The following ARHGAP6 variants were observed in gnomAD, a reference collection of about 807,000 sequenced individuals.
The protein encoded by ARHGAP6 is Rho GTPase activating protein 6.
In ARHGAP6, 16 loss-of-function variants were observed where a neutral mutation model predicts 55.7. The observed-to-expected ratio is 0.29, with a 90% CI of 0.19 to 0.44. ARHGAP6 has a LOEUF of 0.44. Ranked by LOEUF, ARHGAP6 falls within the 20% of genes least tolerant of loss-of-function variation. The probability of loss-of-function intolerance (pLI) is 1.00; values close to 1 mark genes in which losing one functional copy is unlikely to be tolerated. For missense variants in ARHGAP6, 698 were observed against 808.9 expected, an observed-to-expected ratio of 0.86 and a Z score of 1.66; for synonymous variants, 382 against 360.9, an observed-to-expected ratio of 1.06 and a Z score of -0.66.
At chrX:11,362,422 G>C (rs989311242) in intron 1 of ARHGAP6, among the ~76,000 whole-genome samples, 1 of 109,791 alleles carries the variant, frequency 9.1e-6, no homozygotes, top group African/African-American at 3.3e-5. Flanking sequence ...ACCAAACACC[G>C]CAAGTTCTCA....
At chrX:11,245,142 AG>A (rs2047335797) in intron 2 of ARHGAP6, among the ~76,000 whole-genome samples, 1 of 112,170 alleles carries the variant, frequency 8.9e-6, no homozygotes, top group African/African-American at 3.2e-5. Flanking sequence ...GGGTCACCAA[AG>A]TCAACTTGGA....
intron 10 of ARHGAP6, among the ~76,000 whole-genome samples, chrX:11,156,158 C>T (rs1028542903): frequency 1.6e-4 from 18 of 112,379 alleles, no homozygotes; most frequent in Non-Finnish European, 3.0e-4. Context: ...CAAGATGCAT[C>T]CAGGCGCAGC....
At chrX:11,276,078 G>A (rs1407856635) in intron 1 of ARHGAP6, among the ~76,000 whole-genome samples, 1 of 111,416 alleles carries the variant, frequency 9.0e-6, no homozygotes, top group Admixed American at 9.5e-5. Flanking sequence ...AGACACTTGA[G>A]ATGTCTAGAC....
chrX:11,189,337 T>C (rs1248620927), intron 3 of ARHGAP6, among the ~76,000 whole-genome samples: 1 of 111,972 alleles, frequency 8.9e-6, no homozygotes, highest in African/African-American at 3.3e-5. Context: ...TCCTTTCTCC[T>C]GAGGTGTTCA....
chrX:11,326,560 C>T (rs1199400265), intron 1 of ARHGAP6, among the ~76,000 whole-genome samples: 1 of 111,580 alleles, frequency 9.0e-6, no homozygotes, highest in Admixed American at 9.5e-5. Flanking sequence ...CAAAGTAATG[C>T]CTTCACTATA....
At chrX:11,220,394 T>C (rs1451703391) in intron 2 of ARHGAP6, among the ~76,000 whole-genome samples, 42 of 111,402 alleles carry the variant, frequency 3.8e-4, no homozygotes, top group Admixed American at 8.6e-4. Flanking sequence ...AAGGTCGGGT[T>C]ACCCTCAAAG....
chrX:11,642,574 G>A (rs1478692436), intron 1 of ARHGAP6, among the ~76,000 whole-genome samples: 3 of 112,019 alleles, frequency 2.7e-5, no homozygotes, highest in Non-Finnish European at 5.7e-5. Context: ...ATAAGATGTG[G>A]TCTATCCACA....
chrX:11,280,615 C>T (rs2047842275), intron 1 of ARHGAP6, among the ~76,000 whole-genome samples: 2 of 109,494 alleles, frequency 1.8e-5, no homozygotes, highest in Non-Finnish European at 3.8e-5. Context: ...CATGGTGGCT[C>T]ACATCTGGAA....
intron 1 of ARHGAP6, among the ~76,000 whole-genome samples, chrX:11,405,214 C>T (rs757696807): frequency 2.4e-4 from 27 of 111,856 alleles, no homozygotes; most frequent in African/African-American, 6.8e-4. Context: ...ACTTCTACCA[C>T]CACATGGCCA....
chrX:11,191,553 A>G (rs1569249142), intron 3 of ARHGAP6, among the ~76,000 whole-genome samples: 1 of 111,814 alleles, frequency 8.9e-6, no homozygotes, highest in East Asian at 2.8e-4. Context: ...TTAAAAAAAT[A>G]AACAACCTTC....
intron 1 of ARHGAP6, among the ~76,000 whole-genome samples, chrX:11,359,215 G>T (rs1360102561): frequency 2.7e-5 from 3 of 111,892 alleles, no homozygotes; most frequent in Non-Finnish European, 5.6e-5. Flanking sequence ...AACATTTTCT[G>T]CTCACTGTAA....
At chrX:11,216,149 A>C (rs2046879140) in intron 2 of ARHGAP6, among the ~76,000 whole-genome samples, 1 of 108,111 alleles carries the variant, frequency 9.2e-6, no homozygotes, top group African/African-American at 3.4e-5. Context: ...AAAAGGGTCC[A>C]CAAATAGTAC....
At chrX:11,410,017 A>G (rs185011475) in intron 1 of ARHGAP6, among the ~76,000 whole-genome samples, 1 of 112,338 alleles carries the variant, frequency 8.9e-6, no homozygotes, top group Admixed American at 9.4e-5. Context: ...CTCAAACACC[A>G]TTGTGGGAAT....
At chrX:11,385,734 A>C (rs1431923775) in intron 1 of ARHGAP6, among the ~76,000 whole-genome samples, 2 of 112,155 alleles carry the variant, frequency 1.8e-5, no homozygotes, top group African/African-American at 6.5e-5. Flanking sequence ...CTCAGTAAAA[A>C]ATTAAGTGCT....
chrX:11,637,762 A>T (rs927671884), intron 1 of ARHGAP6, among the ~76,000 whole-genome samples: 11 of 103,774 alleles, frequency 1.1e-4, no homozygotes, highest in Admixed American at 7.3e-4. Context: ...TGTAATTTTG[A>T]TTTTTTTTTT....
chrX:11,353,643 C>T (rs1339075165), intron 1 of ARHGAP6, among the ~76,000 whole-genome samples: 2 of 107,551 alleles, frequency 1.9e-5, no homozygotes, highest in Admixed American at 1.0e-4. Flanking sequence ...CCAAGGGCCA[C>T]ACCTATTTCT....
At chrX:11,472,506 A>G (rs1010592386) in intron 1 of ARHGAP6, among the ~76,000 whole-genome samples, 2 of 111,496 alleles carry the variant, frequency 1.8e-5, no homozygotes, top group Non-Finnish European at 3.8e-5. Flanking sequence ...CAGCGGGTGA[A>G]AAGTTCCTGA....
chrX:11,426,508 A>G (rs2049881623), intron 1 of ARHGAP6, among the ~76,000 whole-genome samples: 1 of 111,307 alleles, frequency 9.0e-6, no homozygotes, highest in Admixed American at 9.5e-5. Flanking sequence ...CAGAACGTCC[A>G]GTCTCAACAG....
chrX:11,527,011 AGTGTGTGTGTGT>A (rs59668043), intron 1 of ARHGAP6, among the ~76,000 whole-genome samples: 1,226 of 81,040 alleles, frequency 0.015, 8 homozygotes, highest in Middle Eastern at 0.15. Context: ...TAATATGAGG[AGTGTGTGTGTGT>A]GTGTGTGTGT....
Sources: gnomAD v4.1 joint callset for allele counts (sites outside exome capture counted in the v4.1 genomes callset) on GRCh38, gnomAD v4.1.1 for gene constraint, MANE v1.5 for transcripts, NCBI Gene and HGNC (gene_info 2026-07-23, HGNC 2026-07-21) for gene names.